The following CACNA2D1 variants were observed in gnomAD, a reference collection of about 807,000 sequenced individuals.
The protein encoded by CACNA2D1 is voltage-dependent calcium channel subunit alpha-2/delta-1.
CACNA2D1 carries 53 observed loss-of-function variants against 171.5 expected under a neutral mutation model. The ratio of observed to expected loss-of-function variants is 0.31; its 90% confidence interval spans 0.25 to 0.39. CACNA2D1 has a LOEUF of 0.39. Ranked by LOEUF, CACNA2D1 falls within the 10% of genes least tolerant of loss-of-function variation. The pLI is 1.00. For synonymous variants in CACNA2D1, 442 were observed against 443.1 expected (o/e 1.00, Z 0.03); for missense variants, 903 against 1,299.8 (o/e 0.69, Z 4.69).
chr7:82,333,094 T>G (rs1817578293), intron 3 of CACNA2D1, among the ~76,000 whole-genome samples: 1 of 152,128 alleles, frequency 6.6e-6, no homozygotes, highest in African/African-American at 2.4e-5. Context: ...TTTTTAAAGT[T>G]TATCAAATGG....
intron 24 of CACNA2D1, among the ~76,000 whole-genome samples, chr7:81,977,283 G>T (rs1235641359): frequency 6.6e-6 from 1 of 152,006 alleles, no homozygotes; most frequent in Non-Finnish European, 1.5e-5. Context: ...TTCGTCGAAG[G>T]CCTTTTCTGC....
At chr7:81,966,202 T>TAAGAA (rs3839804) in intron 31 of CACNA2D1, among the ~76,000 whole-genome samples, 110,792 of 150,740 alleles carry the variant, frequency 0.73, 40,881 homozygotes, top group African/African-American at 0.8. Flanking sequence ...TGTCCATGGT[T>TAAGAA]AATACTTACT....
Position 81,950,380 on chromosome 7 carries a change from G to T in CACNA2D1, c.*12C>A, listed in dbSNP as rs1235283401. On this transcript the variant is annotated 3_prime_UTR_variant, in exon 39 of 39. Coordinates refer to ENST00000356860, the MANE Select transcript of CACNA2D1 (RefSeq NM_000722.4). Reference sequence around the variant, plus strand: ...TCTGGAGTTTAACTATGCAGATTTGGTTTTTAGAAGGTCATAACAGGCGGT... The same window carrying T: ...TCTGGAGTTTAACTATGCAGATTTGTTTTTTAGAAGGTCATAACAGGCGGT... The T allele has an allele frequency of 6.2e-7, 1 of 1,613,038 alleles. No individual in the cohort carries two copies. The highest frequency in any genetic ancestry group is 8.5e-7 in the Non-Finnish European group (1 of 1,179,354).
intron 1 of CACNA2D1, among the ~76,000 whole-genome samples, chr7:82,429,470 A>C (rs1042569990): frequency 2.6e-5 from 4 of 152,152 alleles, no homozygotes; most frequent in Non-Finnish European, 5.9e-5. Flanking sequence ...ACAAGAATAG[A>C]GTCCAGGAGC....
At chr7:82,072,941 C>T (rs566573543) in intron 7 of CACNA2D1, among the ~76,000 whole-genome samples, 1 of 152,206 alleles carries the variant, frequency 6.6e-6, no homozygotes, top group South Asian at 2.1e-4. Flanking sequence ...GTCACTGGAA[C>T]TATAGATTAT....
intron 2 of CACNA2D1, among the ~76,000 whole-genome samples, chr7:82,338,552 C>T (rs1489751032): frequency 1.3e-5 from 2 of 152,116 alleles, no homozygotes; most frequent in Non-Finnish European, 1.5e-5. Flanking sequence ...AGGTGTTTCA[C>T]ATACATTATA....
In CACNA2D1 at chr7:81,967,201, C is replaced by T; in HGVS notation, c.2470G>A (p.Gly824Ser). The change falls in exon 31 of 39, where the codon GGT becomes AGT. Residue 824 changes from glycine to serine, a missense_variant. Gly to Ser is a moderately conservative substitution (Grantham distance 56, BLOSUM62 0). This residue lies in a region of CACNA2D1 where 623 missense variants were observed against 925.5 expected (regional missense o/e 0.67). Coordinates refer to ENST00000356860, the MANE Select transcript of CACNA2D1 (RefSeq NM_000722.4). ...TTTCTTTTGCAGTCACAAACTGGAC[C>T]AGCACACTGAAAGACAAAAATGCGA... ...TKTSIRDPCA[G>S]PVCDCKRNSD... is the part of the protein sequence containing the mutation. 2 of 1,608,010 alleles carry T rather than the reference C, an allele frequency of 1.2e-6. No homozygotes were observed. Among genetic ancestry groups the T allele is most frequent in the African/African-American group, 1.3e-5 (1 of 74,686 alleles).
At chr7:81,969,282 G>A (rs898331835) in intron 28 of CACNA2D1, among the ~76,000 whole-genome samples, 2 of 151,328 alleles carry the variant, frequency 1.3e-5, no homozygotes, top group African/African-American at 4.8e-5. Flanking sequence ...AAGTAGTTCT[G>A]CTGAAGTGAA....
In CACNA2D1 at chr7:82,130,434, T is replaced by C. The variant is rs977095435; in HGVS notation, c.396+6201A>G. On this transcript the variant is annotated intron_variant, in intron 5 of 38. Coordinates refer to ENST00000356860, the MANE Select transcript of CACNA2D1 (RefSeq NM_000722.4). ...GACAATGGAAAAAGATATATGAATA[T>C]AATGTTTATAAATTTATATAATAAT... Among the ~76,000 whole-genome samples the C allele has an allele frequency of 4.6e-5, 7 of 152,020 alleles. No individual in the cohort carries two copies. In the East Asian group the frequency reaches 1.3e-3, roughly 29 times the overall value.
intron 4 of CACNA2D1, among the ~76,000 whole-genome samples, chr7:82,157,059 G>C (rs1794446836): frequency 6.6e-6 from 1 of 152,106 alleles, no homozygotes. Context: ...CCATAGCTAT[G>C]AATTATGGTA....
chr7:82,341,255 T>C (rs1363815713), intron 2 of CACNA2D1, among the ~76,000 whole-genome samples: 7 of 152,170 alleles, frequency 4.6e-5, no homozygotes, highest in Non-Finnish European at 8.8e-5. Flanking sequence ...TTTTTCTATA[T>C]CATTAAGTCT....
intron 29 of CACNA2D1, 119 bp from the exon 30 acceptor site, chr7:81,967,782 T>C: frequency 1.6e-6 from 1 of 607,866 alleles, no homozygotes; most frequent in East Asian, 2.8e-5. Context: ...GTTTTAGTTT[T>C]GTGTTCATTA....
At chr7:82,040,057 G>A (rs2131218924) in intron 10 of CACNA2D1, among the ~76,000 whole-genome samples, 1 of 152,264 alleles carries the variant, frequency 6.6e-6, no homozygotes, top group East Asian at 1.9e-4. Flanking sequence ...CTTGAGATGA[G>A]CACAATATAA....
intron 1 of CACNA2D1, among the ~76,000 whole-genome samples, chr7:82,356,642 G>A (rs1820455322): frequency 6.6e-6 from 1 of 151,738 alleles, no homozygotes; most frequent in African/African-American, 2.4e-5. Context: ...GAAATGAAAT[G>A]CAATTGCACT....
At chr7:82,240,427 A>G (rs566381865) in intron 3 of CACNA2D1, among the ~76,000 whole-genome samples, 88 of 152,276 alleles carry the variant, frequency 5.8e-4, no homozygotes, top group Admixed American at 2.0e-3. Flanking sequence ...TATATTTTGG[A>G]TCTAAATCTA....
intron 1 of CACNA2D1, among the ~76,000 whole-genome samples, chr7:82,408,627 TC>T (rs1827323596): frequency 6.6e-6 from 1 of 152,204 alleles, no homozygotes; most frequent in Non-Finnish European, 1.5e-5. Context: ...TAACTTTCTC[TC>T]TTTTTTCAAT....
chr7:82,320,107 G>A (rs533451723), intron 3 of CACNA2D1, among the ~76,000 whole-genome samples: 2 of 151,910 alleles, frequency 1.3e-5, no homozygotes, highest in South Asian at 4.2e-4. Flanking sequence ...ACAGATGTTT[G>A]CCCCAACCAG....
chr7:82,359,959 G>A (rs1367178602), intron 1 of CACNA2D1, among the ~76,000 whole-genome samples: 3 of 152,140 alleles, frequency 2.0e-5, no homozygotes, highest in Admixed American at 6.6e-5. Context: ...GGTAGATACC[G>A]TTATTAGTCC....
chr7:82,023,453 T>C (rs1410218327), intron 12 of CACNA2D1, among the ~76,000 whole-genome samples: 2 of 151,874 alleles, frequency 1.3e-5, no homozygotes, highest in Non-Finnish European at 2.9e-5. Context: ...TCTCCAATTG[T>C]AACTCATCAG....
Sources: gnomAD v4.1 joint callset for allele counts (sites outside exome capture counted in the v4.1 genomes callset) on GRCh38, gnomAD v4.1.1 for gene constraint, gnomAD v4.1.1 regional missense constraint, MANE v1.5 for transcripts, NCBI Gene and HGNC (gene_info 2026-07-23, HGNC 2026-07-21) for gene names.